KLF7: variants seen among roughly 807,000 people sequenced by gnomAD.
KLF7 encodes the protein Krueppel-like factor 7.
Under a neutral mutation model 27.3 loss-of-function variants are expected in KLF7, and 2 were observed. The observed-to-expected ratio is 0.07, with a 90% CI of 0.03 to 0.23. KLF7 has a LOEUF of 0.23. Among genes scored for constraint, KLF7 ranks in the 10% least tolerant of loss-of-function variants. The pLI is 1.00. For missense variants in KLF7, 221 were observed against 394.1 expected, an observed-to-expected ratio of 0.56 and a Z score of 3.72; for synonymous variants, 165 against 162.4, an observed-to-expected ratio of 1.02 and a Z score of -0.12.
chr2:207,112,820 T>G (rs1244346789), intron 2 of KLF7, among the ~76,000 whole-genome samples: 1 of 152,254 alleles, frequency 6.6e-6, no homozygotes, highest in African/African-American at 2.4e-5. Context: ...TACCTGTTTT[T>G]TAAATCACAA....
intron 3 of KLF7, among the ~76,000 whole-genome samples, chr2:207,081,685 C>T (rs1184492555): frequency 6.6e-6 from 1 of 152,076 alleles, no homozygotes; most frequent in African/African-American, 2.4e-5. Flanking sequence ...AAACCTGTGT[C>T]ATGCCTGCAT....
intron 1 of KLF7, among the ~76,000 whole-genome samples, chr2:207,128,439 T>C (rs1202668569): frequency 6.6e-6 from 1 of 152,126 alleles, no homozygotes; most frequent in Non-Finnish European, 1.5e-5. Flanking sequence ...AAAGTAATAA[T>C]GATTACAAGT....
At chr2:207,087,078 C>T (rs1178402915) in intron 3 of KLF7, among the ~76,000 whole-genome samples, 1 of 152,196 alleles carries the variant, frequency 6.6e-6, no homozygotes, top group Non-Finnish European at 1.5e-5. Flanking sequence ...CTGTAGAAGA[C>T]AGCTGCTGAT....
In KLF7 at chr2:207,094,955, G is replaced by C. The variant is rs151130529; in HGVS notation, c.734-6374C>G. 2.0e-5 allele frequency among the ~76,000 whole-genome samples: 3 copies of C among 150,774 alleles called. No homozygotes were observed. The East Asian group carries it at 5.9e-4, about 29-fold the overall frequency. On this transcript the variant is annotated intron_variant, in intron 2 of 3. Coordinates refer to ENST00000309446, the MANE Select transcript of KLF7 (RefSeq NM_003709.4). ...TCCATTACTTGCTTACTCAAACGAG[G>C]TCCAAGTACCTGAGTTTACACAGTG...
upstream of KLF7, chr2:207,167,045 C>T: frequency 6.3e-6 from 7 of 1,104,356 alleles, no homozygotes; most frequent in African/African-American, 1.6e-5. Flanking sequence ...TGTTGCTCGA[C>T]TGTGCGTTAA....
intron 2 of KLF7, among the ~76,000 whole-genome samples, chr2:207,096,390 T>G (rs1246589030): frequency 6.6e-6 from 1 of 152,224 alleles, no homozygotes. Context: ...CCTGAGGCAC[T>G]TATTAAAAAT....
At chr2:207,134,159 T>A (rs2077718128) in intron 1 of KLF7, 11 of 1,470,324 alleles carry the variant, frequency 7.5e-6, no homozygotes, top group Non-Finnish European at 9.0e-6. Flanking sequence ...CTGGGATTTT[T>A]TTTTTTTTTT....
At chr2:207,115,189 AG>A (rs527595960) in intron 2 of KLF7, among the ~76,000 whole-genome samples, 1 of 150,962 alleles carries the variant, frequency 6.6e-6, no homozygotes, top group Non-Finnish European at 1.5e-5. Flanking sequence ...AAAAAAAAAA[AG>A]GGGGGGTATG....
At chr2:207,120,370 C>T (rs906416050) in intron 2 of KLF7, among the ~76,000 whole-genome samples, 1 of 152,160 alleles carries the variant, frequency 6.6e-6, no homozygotes, top group Non-Finnish European at 1.5e-5. Flanking sequence ...ATGTTACCAA[C>T]ATGTATTGTC....
intron 3 of KLF7, among the ~76,000 whole-genome samples, chr2:207,085,802 G>C (rs1218122544): frequency 6.6e-6 from 1 of 152,212 alleles, no homozygotes; most frequent in Admixed American, 6.5e-5. Context: ...GCCACAGGGA[G>C]TGATGGGAAC....
intron 2 of KLF7, among the ~76,000 whole-genome samples, chr2:207,117,130 G>A (rs759151062): frequency 1.3e-5 from 2 of 152,056 alleles, no homozygotes; most frequent in Non-Finnish European, 2.9e-5. Flanking sequence ...AAGGACATCT[G>A]GAATAGGCGT....
chr2:207,133,965 C>T, intron 1 of KLF7: 1 of 826,538 alleles, frequency 1.2e-6, no homozygotes, highest in Non-Finnish European at 1.8e-6. Flanking sequence ...CATTATTAAT[C>T]CTGTTTTACA....
rs550312589 is a variant in KLF7, at chr2:207,079,174, G to C, written c.*2039C>G. On this transcript the variant is annotated 3_prime_UTR_variant, in exon 4 of 4. Coordinates refer to ENST00000309446, the MANE Select transcript of KLF7 (RefSeq NM_003709.4). ...TCGAAATGCCCCAAGTGTCCAATTG[G>C]CAGCTATAGCATTTGTGAGGAGGTT... 1 of 152,042 alleles carries C rather than the reference G, an allele frequency of 6.6e-6. No individual in the cohort carries two copies. The highest frequency in any genetic ancestry group is 1.9e-4 in the East Asian group (1 of 5,182). 9.4% of individuals were successfully genotyped at this position (152,042 alleles called of 1,614,324 possible).
intron 1 of KLF7, among the ~76,000 whole-genome samples, chr2:207,135,533 C>T (rs1413366969): frequency 3.9e-5 from 6 of 152,186 alleles, no homozygotes; most frequent in Admixed American, 2.0e-4. Context: ...GATACCAGAC[C>T]TGTGCCTGAC....
At chr2:207,099,636 C>T (rs2076717632) in intron 2 of KLF7, among the ~76,000 whole-genome samples, 1 of 126,674 alleles carries the variant, frequency 7.9e-6, no homozygotes, top group Non-Finnish European at 1.6e-5. Flanking sequence ...CAAAAACCAC[C>T]TAAGATCTGC....
At chr2:207,116,612 C>T (rs12328567) in intron 2 of KLF7, among the ~76,000 whole-genome samples, 24 of 151,990 alleles carry the variant, frequency 1.6e-4, no homozygotes, top group South Asian at 1.2e-3. Flanking sequence ...ATGATCATGA[C>T]GGTAATTAAC....
chr2:207,114,366 T>A (rs1456228000), intron 2 of KLF7, among the ~76,000 whole-genome samples: 1 of 152,216 alleles, frequency 6.6e-6, no homozygotes, highest in African/African-American at 2.4e-5. Flanking sequence ...GGATGTTGCA[T>A]ATCCCATAGT....
upstream of KLF7, among the ~76,000 whole-genome samples, chr2:207,167,942 G>C (rs896058464): frequency 1.3e-5 from 2 of 152,196 alleles, no homozygotes; most frequent in African/African-American, 4.8e-5. Context: ...ACCTTTAGGA[G>C]AATATACTAT....
At chr2:207,110,350 C>T (rs977577012) in intron 2 of KLF7, among the ~76,000 whole-genome samples, 4 of 152,218 alleles carry the variant, frequency 2.6e-5, no homozygotes, top group East Asian at 1.9e-4. Context: ...TATTTTCCCA[C>T]GGAAAGCACG....
Sources: allele counts gnomAD v4.1 joint callset (sites outside exome capture counted in the v4.1 genomes callset), GRCh38; gene constraint gnomAD v4.1.1; transcripts MANE v1.5; gene names NCBI Gene and HGNC (gene_info 2026-07-23, HGNC 2026-07-21).